The following PRKCB variants were observed in gnomAD, a reference collection of about 807,000 sequenced individuals.
The protein encoded by PRKCB is protein kinase C beta.
PRKCB carries 13 observed loss-of-function variants against 81.5 expected under a neutral mutation model. That is an observed-to-expected ratio of 0.16 (90% CI 0.10 to 0.25). The LOEUF is 0.25. Among genes scored for constraint, PRKCB ranks in the 10% least tolerant of loss-of-function variants. PRKCB has a pLI of 1.00. For missense variants in PRKCB, 509 were observed against 875.7 expected, an observed-to-expected ratio of 0.58 and a Z score of 5.29; for synonymous variants, 335 against 321.4, an observed-to-expected ratio of 1.04 and a Z score of -0.45.
chr16:24,157,010 G>T (rs1014874607), intron 10 of PRKCB, among the ~76,000 whole-genome samples: 1 of 130,040 alleles, frequency 7.7e-6, no homozygotes, highest in Non-Finnish European at 1.6e-5. Context: ...AATGTTCATT[G>T]TAGTGTCTTT....
chr16:24,072,771 G>A (rs1033581162), intron 5 of PRKCB, among the ~76,000 whole-genome samples: 2 of 151,950 alleles, frequency 1.3e-5, no homozygotes, highest in Non-Finnish European at 2.9e-5. Context: ...TAGTAGAGAC[G>A]GGGTTTCACC....
At chr16:24,114,368 A>G (rs1046701839) in intron 8 of PRKCB, among the ~76,000 whole-genome samples, 3 of 151,916 alleles carry the variant, frequency 2.0e-5, no homozygotes, top group Non-Finnish European at 4.4e-5. Flanking sequence ...CTATTGACAG[A>G]ATGATGCTAT....
chr16:24,160,205 T>C (rs1458398395), intron 10 of PRKCB, among the ~76,000 whole-genome samples: 1 of 150,970 alleles, frequency 6.6e-6, no homozygotes, highest in African/African-American at 2.4e-5. Flanking sequence ...TTTTTTTTTT[T>C]TTTTTTAATA....
intron 2 of PRKCB, among the ~76,000 whole-genome samples, chr16:23,947,001 A>G (rs1964211531): frequency 6.6e-6 from 1 of 152,102 alleles, no homozygotes; most frequent in African/African-American, 2.4e-5. Context: ...GATTACAGGC[A>G]TATGCAACCA....
At chr16:23,934,494 G>A (rs558915744) in intron 2 of PRKCB, among the ~76,000 whole-genome samples, 29 of 152,202 alleles carry the variant, frequency 1.9e-4, no homozygotes, top group African/African-American at 6.7e-4. Context: ...GCTGCCTTCA[G>A]GGGATAAGTA....
rs1161932704 is a variant in PRKCB at position 23,970,186 on chromosome 16, A to G, written c.206-18322A>G. Among the ~76,000 whole-genome samples, 3 of 152,216 alleles carry G rather than the reference A, an allele frequency of 2.0e-5. No individual in the cohort carries two copies. In the East Asian group the frequency reaches 5.8e-4, roughly 29 times the overall value. ...GACTGCAGGCAGCTTGTGTGTTTGTATTTGGACCTTGCTGGATTTCTTGGG... is the reference window on the plus strand; with the variant it reads ...GACTGCAGGCAGCTTGTGTGTTTGTGTTTGGACCTTGCTGGATTTCTTGGG... On this transcript the variant is annotated intron_variant, in intron 2 of 16. Coordinates refer to ENST00000643927, the MANE Select transcript of PRKCB (RefSeq NM_002738.7).
At chr16:24,050,779 C>G (rs1965831996) in intron 5 of PRKCB, among the ~76,000 whole-genome samples, 1 of 152,212 alleles carries the variant, frequency 6.6e-6, no homozygotes, top group Non-Finnish European at 1.5e-5. Context: ...ACAAAATTCT[C>G]TTTCTGCATC....
chr16:23,889,961 T>G (rs1204686895), intron 2 of PRKCB, among the ~76,000 whole-genome samples: 1 of 152,248 alleles, frequency 6.6e-6, no homozygotes, highest in Admixed American at 6.5e-5. Context: ...CTCCCAAAAT[T>G]TATTTGTTAT....
intron 3 of PRKCB, among the ~76,000 whole-genome samples, chr16:24,006,437 A>G (rs1359289496): frequency 1.3e-5 from 2 of 152,226 alleles, no homozygotes; most frequent in Non-Finnish European, 2.9e-5. Context: ...CCATCCGAGG[A>G]TAGTAAAGCT....
chr16:24,218,294 G>A lies in PRKCB; in HGVS notation c.*3478G>A, dbSNP rs1273595443. 1.1e-5 allele frequency: 11 copies of A among 985,320 alleles called. No homozygotes were observed. The highest frequency in any genetic ancestry group is 1.2e-5 in the Non-Finnish European group (10 of 829,914). The allele number at this position is 985,320 out of a possible 1,614,324, so 61.0% of individuals were successfully genotyped here. A position where few individuals can be genotyped will look rare whatever the true frequency, so the allele number is the denominator to read the frequency against. ...AGACAATATTAAAGAGGAGGCATTC[G>A]AGCTTTGTTGTGAACACCGGAAGTA... is the stretch of plus-strand genomic sequence containing the variant. On this transcript the variant is annotated 3_prime_UTR_variant, in exon 17 of 17. Transcript: ENST00000643927.
At chr16:23,897,893 G>A (rs1405842629) in intron 2 of PRKCB, among the ~76,000 whole-genome samples, 2 of 151,166 alleles carry the variant, frequency 1.3e-5, no homozygotes, top group African/African-American at 2.4e-5. Context: ...TATTATTTAT[G>A]TTATTTATTT....
chr16:23,951,937 A>G (rs756689726), intron 2 of PRKCB, among the ~76,000 whole-genome samples: 2 of 152,098 alleles, frequency 1.3e-5, no homozygotes, highest in African/African-American at 2.4e-5. Flanking sequence ...GATATATCAC[A>G]TTGATTGGTG....
At chr16:23,903,128 G>A (rs1254276270) in intron 2 of PRKCB, among the ~76,000 whole-genome samples, 1 of 151,652 alleles carries the variant, frequency 6.6e-6, no homozygotes, top group African/African-American at 2.4e-5. Context: ...GCCACGCCCA[G>A]CCTACTTATG....
rs1968248248 is a variant in PRKCB, at chr16:24,217,563, A to G, written c.*2747A>G. ...CCCAACTTCTACGGTAAAATCCAGG[A>G]GTATTTTCTCTGGGGATCTGCCCAC... On this transcript the variant is annotated 3_prime_UTR_variant, in exon 17 of 17. Coordinates refer to ENST00000643927, the MANE Select transcript of PRKCB (RefSeq NM_002738.7). 1.0e-6 allele frequency: 1 copy of G among 985,354 alleles called. No individual in the cohort carries two copies. Among genetic ancestry groups the G allele is most frequent in the Non-Finnish European group, 1.2e-6 (1 of 829,966 alleles). 61.0% of individuals were successfully genotyped at this position (985,354 alleles called of 1,614,324 possible). A position where few individuals can be genotyped will look rare whatever the true frequency, so the allele number is the denominator to read the frequency against.
intron 16 of PRKCB, among the ~76,000 whole-genome samples, chr16:24,206,926 G>A (rs1490527526): frequency 6.6e-6 from 1 of 152,150 alleles, no homozygotes; most frequent in Non-Finnish European, 1.5e-5. Context: ...TTGTTTTAGA[G>A]TTTTTTTGCT....
chr16:23,934,109 T>C (rs566896685), intron 2 of PRKCB, among the ~76,000 whole-genome samples: 51 of 152,244 alleles, frequency 3.3e-4, no homozygotes, highest in African/African-American at 1.2e-3. Flanking sequence ...GAGGATTTCC[T>C]TCCTGGACTT....
chr16:24,185,287 T>C, intron 14 of PRKCB, 96 bp downstream of exon 14: 4 of 1,321,384 alleles, frequency 3.0e-6, no homozygotes, highest in East Asian at 2.3e-5. Context: ...AGCTCATAAA[T>C]TGGAACCTCT....
intron 2 of PRKCB, among the ~76,000 whole-genome samples, chr16:23,945,753 A>G (rs796720503): frequency 9.0e-6 from 1 of 111,094 alleles, no homozygotes; most frequent in Non-Finnish European, 2.0e-5. Flanking sequence ...AAAAGAAAAC[A>G]AAAACAAAAC....
chr16:23,999,399 T>G (rs902560491), intron 3 of PRKCB, among the ~76,000 whole-genome samples: 2 of 152,240 alleles, frequency 1.3e-5, no homozygotes, highest in African/African-American at 4.8e-5. Flanking sequence ...GCTGTTGGCA[T>G]TATCCTACAG....
Sources: allele counts gnomAD v4.1 joint callset (sites outside exome capture counted in the v4.1 genomes callset), GRCh38; gene constraint gnomAD v4.1.1; transcripts MANE v1.5; gene names NCBI Gene and HGNC (gene_info 2026-07-23, HGNC 2026-07-21).